Variants in ZFP1 observed in about 807,000 individuals in gnomAD.
The protein encoded by ZFP1 is zinc finger protein 1 homolog.
Under a neutral mutation model 38.5 loss-of-function variants are expected in ZFP1, and 32 were observed. The ratio of observed to expected loss-of-function variants is 0.83; its 90% CI spans 0.63 to 1.12. The LOEUF (loss-of-function observed/expected upper bound fraction) is 1.12, where lower values mean the gene tolerates loss of function less well. Among genes scored for constraint, ZFP1 ranks in the 50% most tolerant of loss-of-function variants. The probability of loss-of-function intolerance (pLI) is 0.00; values close to 1 mark genes in which losing one functional copy is unlikely to be tolerated. For synonymous variants in ZFP1, 245 were observed against 168.8 expected (o/e 1.45, Z -3.50); for missense variants, 616 against 480.8 (o/e 1.28, Z -2.63).
the ZFP1 span, among the ~76,000 whole-genome samples, chr16:75,127,027 A>G: frequency 6.6e-6 from 1 of 152,316 alleles, no homozygotes; most frequent in South Asian, 2.1e-4. Flanking sequence ...GACTTAATGT[A>G]CATTATCAGT....
At chr16:75,123,467 A>AGGG in the ZFP1 span, among the ~76,000 whole-genome samples, 1 of 95,342 alleles carries the variant, frequency 1.0e-5, no homozygotes, top group Non-Finnish European at 2.0e-5. Flanking sequence ...ATATATATAT[A>AGGG]TATATATATA....
chr16:75,142,945 G>C, the ZFP1 span, among the ~76,000 whole-genome samples: 28 of 152,108 alleles, frequency 1.8e-4, no homozygotes, highest in Admixed American at 1.2e-3. Context: ...CAAGTGATCT[G>C]CCTACCTTGG....
At position 75,169,589 on chromosome 16, in the gene ZFP1, A is replaced by C. The variant is rs149222288; in HGVS notation, c.479A>C (p.Lys160Thr). Residue 160 changes from lysine to threonine, a missense_variant, in exon 4 of 4, where the codon AAA becomes ACA. Physicochemically the swap from Lys to Thr is moderately conservative, Grantham distance 78. Transcript: ENST00000570010. ...GGAGTAGAATATTCTGAATACAATA[A>C]AAGTGGAAAAGCCCTCAGCCATAAA... ...HSGVEYSEYNKSGKALSHKAA... is the reference protein window; with the variant it reads ...HSGVEYSEYNTSGKALSHKAA... The C allele has an allele frequency of 3.8e-6, 6 of 1,596,418 alleles. No homozygotes were observed. The highest frequency in any genetic ancestry group is 3.7e-5 in the Admixed American group (2 of 54,172).
Position 75,169,332 on chromosome 16 carries a change from G to C in ZFP1, c.222G>C (p.Lys74Asn). 1 of 1,614,102 alleles carries C rather than the reference G, an allele frequency of 6.2e-7. No homozygotes were observed. Residue 74 changes from lysine (K) to asparagine (N), a missense_variant, in exon 4 of 4, where the codon AAG becomes AAC. By Grantham distance (94) the Lys-to-Asn change is moderately conservative (BLOSUM62 0). Transcript: ENST00000570010. ...DEQARQFLIL[K>N]NQTPIEERGD... ...AGGCGAGGCAATTTTTAATTCTTAAGAACCAAACCCCAATTGAGGAAAGAG... is the reference window on the plus strand; with the variant it reads ...AGGCGAGGCAATTTTTAATTCTTAACAACCAAACCCCAATTGAGGAAAGAG...
At chr16:75,137,679 G>C in the ZFP1 span, among the ~76,000 whole-genome samples, 5 of 151,892 alleles carry the variant, frequency 3.3e-5, no homozygotes, top group African/African-American at 1.2e-4. Context: ...TGTTAGCCAG[G>C]ATGGCCTCGA....
chr16:75,130,478 A>G, the ZFP1 span, among the ~76,000 whole-genome samples: 4 of 152,070 alleles, frequency 2.6e-5, no homozygotes, highest in Non-Finnish European at 5.9e-5. Flanking sequence ...TTCCCTTACC[A>G]GCTGAATGTT....
chr16:75,120,200 G>A, the ZFP1 span, among the ~76,000 whole-genome samples: 1 of 152,154 alleles, frequency 6.6e-6, no homozygotes, highest in Admixed American at 6.5e-5. Flanking sequence ...AGGACTTCAT[G>A]TTTTTGTTTT....
At chr16:75,155,563 A>G (rs1325140364) in intron 2 of ZFP1, among the ~76,000 whole-genome samples, 1 of 152,254 alleles carries the variant, frequency 6.6e-6, no homozygotes, top group Non-Finnish European at 1.5e-5. Context: ...ATAGTGTATT[A>G]AGACATAACA....
chr16:75,166,051 G>A (rs1295605944), intron 2 of ZFP1, among the ~76,000 whole-genome samples: 1 of 152,140 alleles, frequency 6.6e-6, no homozygotes, highest in East Asian at 1.9e-4. Context: ...GGGATGGAAG[G>A]ACAGAGATCC....
At chr16:75,139,030 A>G in the ZFP1 span, among the ~76,000 whole-genome samples, 1 of 152,130 alleles carries the variant, frequency 6.6e-6, no homozygotes, top group African/African-American at 2.4e-5. Flanking sequence ...GATACATTTC[A>G]ATAGAAAAGC....
At chr16:75,136,829 A>C in the ZFP1 span, among the ~76,000 whole-genome samples, 5 of 152,192 alleles carry the variant, frequency 3.3e-5, no homozygotes, top group South Asian at 1.0e-3. Context: ...TATGGTCGTG[A>C]CACTGTGCTC....
chr16:75,123,987 G>A, the ZFP1 span, among the ~76,000 whole-genome samples: 17 of 151,398 alleles, frequency 1.1e-4, no homozygotes, highest in Non-Finnish European at 1.5e-4. Flanking sequence ...CCAACTACTC[G>A]GGAGGCAGAG....
At chr16:75,135,862 T>C in the ZFP1 span, among the ~76,000 whole-genome samples, 3 of 152,248 alleles carry the variant, frequency 2.0e-5, no homozygotes, top group African/African-American at 7.2e-5. Flanking sequence ...TCACCCAGGC[T>C]GGAGTACAGT....
chr16:75,125,766 G>C, the ZFP1 span, among the ~76,000 whole-genome samples: 2 of 151,840 alleles, frequency 1.3e-5, no homozygotes, highest in African/African-American at 4.8e-5. Flanking sequence ...TTTCAGGCCG[G>C]GTGCGGTGGC....
chr16:75,165,392 T>C (rs1355166095), intron 2 of ZFP1, among the ~76,000 whole-genome samples: 1 of 152,148 alleles, frequency 6.6e-6, no homozygotes, highest in Non-Finnish European at 1.5e-5. Context: ...AATACCTGTT[T>C]TTTCCTCTGG....
chr16:75,157,244 C>CT (rs34937264), intron 2 of ZFP1: 85,915 of 112,780 alleles, frequency 0.76, 34,018 homozygotes, highest in Non-Finnish European at 0.85. Flanking sequence ...CTGAAAATGT[C>CT]TTTTTTTTTT....
intron 3 of ZFP1, among the ~76,000 whole-genome samples, chr16:75,167,408 C>G (rs1311563179): frequency 7.2e-6 from 1 of 138,526 alleles, no homozygotes; most frequent in Non-Finnish European, 1.6e-5. Flanking sequence ...TTTTTTTTTT[C>G]CTGTTTAATC....
At chr16:75,135,361 C>A in the ZFP1 span, among the ~76,000 whole-genome samples, 2 of 151,402 alleles carry the variant, frequency 1.3e-5, no homozygotes, top group Admixed American at 1.3e-4. Flanking sequence ...CACAGAGGAA[C>A]CTTAAATGCA....
In ZFP1 at chr16:75,164,363, CAA is replaced by C. The variant is rs1445560621; in HGVS notation, c.16-2404_16-2403del. Among the ~76,000 whole-genome samples the C allele has an allele frequency of 9.9e-5, 15 of 152,248 alleles. No homozygotes were observed. In the South Asian group the frequency reaches 2.7e-3, roughly 27 times the overall value. ...TTTTTCAGTACTTTCCTATTTTAAA[CAA>C]AAGTTAATCAGAATTTTTCTTCCAA... is the stretch of plus-strand genomic sequence containing the variant. On this transcript the variant is annotated intron_variant, in intron 2 of 3. Coordinates refer to ENST00000570010, the MANE Select transcript of ZFP1 (RefSeq NM_153688.4).
Sources: gnomAD v4.1 joint callset for allele counts (sites outside exome capture counted in the v4.1 genomes callset) on GRCh38, gnomAD v4.1.1 for gene constraint, MANE v1.5 for transcripts, NCBI Gene and HGNC (gene_info 2026-07-23, HGNC 2026-07-21) for gene names.